Variants in SDCCAG8 observed in about 807,000 individuals in gnomAD.
The protein encoded by SDCCAG8 is serologically defined colon cancer antigen 8.
Under a neutral mutation model 101.8 loss-of-function variants are expected in SDCCAG8, and 74 were observed. The ratio of observed to expected loss-of-function variants is 0.73; its 90% confidence interval spans 0.60 to 0.88. The LOEUF is 0.88. Ranked by LOEUF, SDCCAG8 falls within the 40% of genes least tolerant of loss-of-function variation. SDCCAG8 has a pLI of 0.00. For missense variants in SDCCAG8, 787 were observed against 822.6 expected (o/e 0.96, Z 0.53); for synonymous variants, 281 against 292.9 (o/e 0.96, Z 0.41).
At chr1:243,496,351 C>G (rs534977299) in intron 17 of SDCCAG8, among the ~76,000 whole-genome samples, 1 of 152,286 alleles carries the variant, frequency 6.6e-6, no homozygotes, top group African/African-American at 2.4e-5. Flanking sequence ...GGGAGGCGAG[C>G]CACCAAGCGA....
chr1:243,271,496 A>G (rs916824706), intron 3 of SDCCAG8, among the ~76,000 whole-genome samples: 1 of 151,670 alleles, frequency 6.6e-6, no homozygotes, highest in Non-Finnish European at 1.5e-5. Flanking sequence ...CTACTTTGTA[A>G]TATTTTTTAA....
intron 10 of SDCCAG8, chr1:243,339,051 GTGGGCGGC>G (rs2075223145): frequency 6.3e-6 from 1 of 158,104 alleles, no homozygotes; most frequent in African/African-American, 2.5e-5. Flanking sequence ...AGAAAGTGGG[GTGGGCGGC>G]AGGAGGGAGC....
chr1:243,426,404 T>A, intron 15 of SDCCAG8, 23 bp from the exon 16 acceptor site: 1 of 1,604,184 alleles, frequency 6.2e-7, no homozygotes, highest in South Asian at 1.1e-5. Context: ...TAACATCTAT[T>A]ATTTTTGTGT....
In SDCCAG8 at chr1:243,256,043, T is replaced by C. The variant is rs886046327; in HGVS notation, c.-131T>C. ...AGCCCCCAAGAGCTCTGTGCGGGAT[T>C]CTAGGCTCCCCTGTGACAGCCGCGG... On this transcript the variant is annotated 5_prime_UTR_variant, in exon 1 of 18. Transcript: ENST00000366541. The C allele has an allele frequency of 4.9e-5, 42 of 849,410 alleles. No individual in the cohort carries two copies. Among genetic ancestry groups the C allele is most frequent in the Middle Eastern group, 4.7e-4 (2 of 4,292 alleles). 52.6% of individuals were successfully genotyped at this position (849,410 alleles called of 1,614,324 possible).
At chr1:243,341,337 A>G (rs867988561) in intron 11 of SDCCAG8, among the ~76,000 whole-genome samples, 164 bp downstream of exon 11, 3 of 152,354 alleles carry the variant, frequency 2.0e-5, no homozygotes, top group Middle Eastern at 3.4e-3. Flanking sequence ...TACTCAGCAA[A>G]CATTCAGTTA....
chr1:243,434,115 T>C (rs1454838772), intron 16 of SDCCAG8, among the ~76,000 whole-genome samples: 2 of 152,260 alleles, frequency 1.3e-5, no homozygotes, highest in Non-Finnish European at 2.9e-5. Flanking sequence ...CACAATAATT[T>C]AGTTTGTTTT....
At chr1:243,367,365 C>T (rs1379281939) in intron 12 of SDCCAG8, among the ~76,000 whole-genome samples, 1 of 151,982 alleles carries the variant, frequency 6.6e-6, no homozygotes, top group African/African-American at 2.4e-5. Context: ...GATTTGAATA[C>T]AGCTAGTGTA....
chr1:243,279,060 A>G (rs1054646498), intron 4 of SDCCAG8, among the ~76,000 whole-genome samples: 17 of 152,062 alleles, frequency 1.1e-4, no homozygotes, highest in Non-Finnish European at 1.9e-4. Flanking sequence ...CAAGGTGTTG[A>G]GATTACAGGC....
intron 12 of SDCCAG8, among the ~76,000 whole-genome samples, chr1:243,358,394 C>A (rs902578763): frequency 6.6e-6 from 1 of 151,836 alleles, no homozygotes; most frequent in Non-Finnish European, 1.5e-5. Context: ...AAATGCAAAC[C>A]AAAACCAAGA....
At chr1:243,320,961 G>A (rs1026444756) in intron 9 of SDCCAG8, among the ~76,000 whole-genome samples, 9 of 152,218 alleles carry the variant, frequency 5.9e-5, no homozygotes, top group African/African-American at 2.2e-4. Flanking sequence ...GTCTAGATTC[G>A]ATGTACCCTT....
chr1:243,271,314 C>T (rs866119503), intron 3 of SDCCAG8, among the ~76,000 whole-genome samples: 2 of 149,260 alleles, frequency 1.3e-5, no homozygotes, highest in Non-Finnish European at 3.0e-5. Context: ...ATTTATTTTG[C>T]AACTGTTAGC....
chr1:243,307,316 A>G, intron 7 of SDCCAG8: 1 of 763,718 alleles, frequency 1.3e-6, no homozygotes, highest in Non-Finnish European at 1.5e-6. Flanking sequence ...AGCAGCCTGT[A>G]TGTTTCCAGC....
At chr1:243,316,668 T>A (rs984454237) in intron 8 of SDCCAG8, 87 bp from the exon 9 acceptor site, 1 of 1,532,098 alleles carries the variant, frequency 6.5e-7, no homozygotes, top group Admixed American at 1.7e-5. Context: ...GCTCTTCTAA[T>A]ACATATTAAT....
intron 12 of SDCCAG8, among the ~76,000 whole-genome samples, chr1:243,360,495 G>A (rs1428691760): frequency 6.6e-6 from 1 of 151,184 alleles, no homozygotes; most frequent in East Asian, 2.0e-4. Flanking sequence ...TCCTCATCTA[G>A]CCCCTTCACA....
chr1:243,469,336 C>T (rs1001851129), intron 16 of SDCCAG8, among the ~76,000 whole-genome samples: 2 of 152,112 alleles, frequency 1.3e-5, no homozygotes, highest in South Asian at 4.2e-4. Context: ...GTATATGTAG[C>T]TACCTACAAA....
chr1:243,317,451 G>T (rs2073360601), intron 9 of SDCCAG8, among the ~76,000 whole-genome samples: 1 of 151,750 alleles, frequency 6.6e-6, no homozygotes, highest in African/African-American at 2.4e-5. Flanking sequence ...CTCCCAAGTA[G>T]CTGGGATTAC....
chr1:243,367,842 A>G (rs1379257497), intron 12 of SDCCAG8, among the ~76,000 whole-genome samples: 2 of 151,290 alleles, frequency 1.3e-5, no homozygotes, highest in South Asian at 2.1e-4. Context: ...TTATATATTA[A>G]CATTTTAAGT....
At chr1:243,361,156 C>T (rs549373236) in intron 12 of SDCCAG8, among the ~76,000 whole-genome samples, 8 of 152,296 alleles carry the variant, frequency 5.3e-5, no homozygotes, top group African/African-American at 1.4e-4. Flanking sequence ...TCTGCCCCCA[C>T]GACCACTTCA....
intron 13 of SDCCAG8, among the ~76,000 whole-genome samples, chr1:243,380,450 T>G (rs1321389596): frequency 6.6e-6 from 1 of 152,162 alleles, no homozygotes; most frequent in African/African-American, 2.4e-5. Flanking sequence ...CTTCAGTAAA[T>G]AAATATTAAT....
Sources: allele counts gnomAD v4.1 joint callset (sites outside exome capture counted in the v4.1 genomes callset), GRCh38; gene constraint gnomAD v4.1.1; transcripts MANE v1.5; gene names NCBI Gene and HGNC (gene_info 2026-07-23, HGNC 2026-07-21).